Variants in PTPRG observed in about 807,000 individuals in gnomAD.
The protein encoded by PTPRG is protein tyrosine phosphatase receptor type G, also known as receptor-type tyrosine-protein phosphatase gamma.
PTPRG carries 102 observed loss-of-function variants against 165.3 expected under a neutral mutation model. The ratio of observed to expected loss-of-function variants is 0.62; its 90% confidence interval spans 0.53 to 0.73. PTPRG has a LOEUF of 0.73. Ranked by LOEUF, PTPRG falls within the 30% of genes least tolerant of loss-of-function variation. PTPRG has a pLI of 0.00. For missense variants in PTPRG, 1,866 were observed against 1,861.4 expected, an observed-to-expected ratio of 1.00 and a Z score of -0.05; for synonymous variants, 675 against 669.5, an observed-to-expected ratio of 1.01 and a Z score of -0.13.
chr3:62,135,823 CTG>C (rs1703688664), intron 6 of PTPRG, among the ~76,000 whole-genome samples: 1 of 152,122 alleles, frequency 6.6e-6, no homozygotes, highest in African/African-American at 2.4e-5. Context: ...CTGAAGGCAG[CTG>C]TAAGGAAGTC....
intron 6 of PTPRG, among the ~76,000 whole-genome samples, chr3:62,135,253 A>G (rs1018380095): frequency 1.3e-5 from 2 of 150,970 alleles, no homozygotes; most frequent in African/African-American, 4.9e-5. Context: ...CCTGGGTGAC[A>G]GAGTGAGATT....
At chr3:61,879,587 C>G (rs1350918702) in intron 2 of PTPRG, among the ~76,000 whole-genome samples, 2 of 152,102 alleles carry the variant, frequency 1.3e-5, no homozygotes, top group Non-Finnish European at 2.9e-5. Flanking sequence ...TGTTCTGACA[C>G]TTTGCTCAAT....
At chr3:61,968,373 T>C (rs2107654478) in intron 2 of PTPRG, among the ~76,000 whole-genome samples, 1 of 152,300 alleles carries the variant, frequency 6.6e-6, no homozygotes, top group South Asian at 2.1e-4. Context: ...AGTTTGTTCA[T>C]CCCTTTTTGA....
intron 4 of PTPRG, among the ~76,000 whole-genome samples, chr3:62,009,791 G>T (rs1249149069): frequency 6.6e-6 from 1 of 152,130 alleles, no homozygotes; most frequent in African/African-American, 2.4e-5. Flanking sequence ...GCCTGTCTAG[G>T]GTTTGAGGCC....
chr3:62,182,243 C>G (rs1705684608), intron 8 of PTPRG, among the ~76,000 whole-genome samples: 1 of 152,154 alleles, frequency 6.6e-6, no homozygotes, highest in East Asian at 1.9e-4. Context: ...TTGACCCATG[C>G]AGTTCGAACC....
chr3:62,254,678 A>G lies in PTPRG; in HGVS notation c.2468-446A>G, dbSNP rs1020445478. On this transcript the variant is annotated intron_variant, in intron 15 of 29. Coordinates refer to ENST00000474889, the MANE Select transcript of PTPRG (RefSeq NM_002841.4). The surrounding 1 kb of genome is among the most constrained non-coding windows in gnomAD (Gnocchi z 4.6). ...ATTGCTTAAAACTTATAAGATTGGA[A>G]ATAGAACTTAATTGCTTAAAGTTCA... 3.9e-5 allele frequency among the ~76,000 whole-genome samples: 6 copies of G among 152,072 alleles called. No homozygotes were observed. The highest frequency in any genetic ancestry group is 1.2e-4 in the African/African-American group (5 of 41,418).
chr3:61,976,205 C>A (rs1241124981), intron 2 of PTPRG, among the ~76,000 whole-genome samples: 1 of 152,152 alleles, frequency 6.6e-6, no homozygotes, highest in Non-Finnish European at 1.5e-5. Context: ...GATTGAAAAA[C>A]CCTTCCCTGG....
At chr3:62,049,731 C>T (rs1233348991) in intron 4 of PTPRG, among the ~76,000 whole-genome samples, 2 of 152,104 alleles carry the variant, frequency 1.3e-5, no homozygotes, top group Admixed American at 6.6e-5. Flanking sequence ...ACTCACCCTG[C>T]GTGGTAGGTC....
chr3:61,776,228 G>A (rs1237124332), intron 2 of PTPRG, among the ~76,000 whole-genome samples: 10 of 152,096 alleles, frequency 6.6e-5, no homozygotes, highest in Admixed American at 6.5e-4. Context: ...TGTTTGCTAA[G>A]GGAATGGAAC....
chr3:61,862,109 C>G (rs1046971273), intron 2 of PTPRG, among the ~76,000 whole-genome samples: 14 of 152,066 alleles, frequency 9.2e-5, no homozygotes, highest in African/African-American at 3.1e-4. Context: ...CCTGTCATAT[C>G]AGTGGTGGCA....
At chr3:62,249,269 G>A (rs996398991) in intron 15 of PTPRG, among the ~76,000 whole-genome samples, 1 of 152,122 alleles carries the variant, frequency 6.6e-6, no homozygotes, top group Non-Finnish European at 1.5e-5. Context: ...CACCTTGAGA[G>A]GCCTGAATTT....
chr3:62,194,563 A>G (rs1229198382), intron 9 of PTPRG, among the ~76,000 whole-genome samples: 1 of 152,180 alleles, frequency 6.6e-6, no homozygotes, highest in African/African-American at 2.4e-5. Flanking sequence ...CACGCCTGCA[A>G]TCCCAGCATT....
chr3:61,845,958 A>C (rs780578515), intron 2 of PTPRG, among the ~76,000 whole-genome samples: 7 of 152,214 alleles, frequency 4.6e-5, no homozygotes, highest in Non-Finnish European at 1.0e-4. Flanking sequence ...TAGTGGGTGC[A>C]GAAGACTGAG....
intron 2 of PTPRG, among the ~76,000 whole-genome samples, chr3:61,777,184 A>T (rs2034410014): frequency 6.6e-6 from 1 of 152,226 alleles, no homozygotes; most frequent in Admixed American, 6.5e-5. Flanking sequence ...GATCCATACA[A>T]GTGCTGTCCA....
chr3:62,187,771 G>A (rs537211946), intron 8 of PTPRG, among the ~76,000 whole-genome samples: 4 of 152,276 alleles, frequency 2.6e-5, no homozygotes, highest in Admixed American at 2.6e-4. Flanking sequence ...GTAGAGAACA[G>A]AAGAGACATC....
At chr3:61,994,912 CTT>C (rs1359853895) in intron 3 of PTPRG, among the ~76,000 whole-genome samples, 1 of 152,054 alleles carries the variant, frequency 6.6e-6, no homozygotes, top group African/African-American at 2.4e-5. Flanking sequence ...GAAAGATACT[CTT>C]TGCCCTGTTG....
chr3:62,034,347 GTAT>G (rs1699873887), intron 4 of PTPRG, among the ~76,000 whole-genome samples: 1 of 152,202 alleles, frequency 6.6e-6, no homozygotes, highest in South Asian at 2.1e-4. Flanking sequence ...TGCGGTGTTG[GTAT>G]TATTTTCATA....
chr3:62,051,414 A>G (rs1439373545), intron 4 of PTPRG, among the ~76,000 whole-genome samples: 1 of 151,984 alleles, frequency 6.6e-6, no homozygotes, highest in Non-Finnish European at 1.5e-5. Context: ...TTGAGGAGCT[A>G]CTGTGCAAGA....
At chr3:61,964,691 A>G (rs538715153) in intron 2 of PTPRG, among the ~76,000 whole-genome samples, 3 of 151,894 alleles carry the variant, frequency 2.0e-5, no homozygotes, top group African/African-American at 7.2e-5. Context: ...TCCACTCTTT[A>G]TTATAGTTCC....
Sources: gnomAD v4.1 joint callset for allele counts (sites outside exome capture counted in the v4.1 genomes callset) on GRCh38, gnomAD v4.1.1 for gene constraint, Gnocchi (gnomAD v3.1) non-coding constraint, MANE v1.5 for transcripts, NCBI Gene and HGNC (gene_info 2026-07-23, HGNC 2026-07-21) for gene names.